The following ARHGAP6 variants were observed in gnomAD, a reference collection of about 807,000 sequenced individuals.
ARHGAP6 encodes the protein rho GTPase-activating protein 6.
In ARHGAP6, 16 loss-of-function variants were observed where a neutral mutation model predicts 55.7. The observed-to-expected ratio is 0.29, with a 90% confidence interval of 0.19 to 0.44. The LOEUF (loss-of-function observed/expected upper bound fraction) is 0.44. Among genes scored for constraint, ARHGAP6 ranks in the 20% least tolerant of loss-of-function variants. The probability of loss-of-function intolerance (pLI) is 1.00; values close to 1 mark genes in which losing one functional copy is unlikely to be tolerated. For missense variants in ARHGAP6, 698 were observed against 808.9 expected, an observed-to-expected ratio of 0.86 and a Z score of 1.66; for synonymous variants, 382 against 360.9, an observed-to-expected ratio of 1.06 and a Z score of -0.66.
intron 1 of ARHGAP6, among the ~76,000 whole-genome samples, chrX:11,439,465 T>G (rs967343541): frequency 1.2e-4 from 13 of 112,223 alleles, no homozygotes; most frequent in Admixed American, 6.6e-4. Context: ...AAACCTAAAA[T>G]ATCTGGCCTT....
At chrX:11,219,572 T>C (rs201543135) in intron 2 of ARHGAP6, among the ~76,000 whole-genome samples, 13,203 of 93,269 alleles carry the variant, frequency 0.14, 1,050 homozygotes, top group African/African-American at 0.2. Flanking sequence ...TTTTGAATGA[T>C]TGCCATTCTA....
At position 11,228,830 on chromosome X, in the gene ARHGAP6, T is replaced by C. The variant is rs184868018; in HGVS notation, c.748+25718A>G. On this transcript the variant is annotated intron_variant, in intron 2 of 12. Transcript: ENST00000337414. ...CTATGTTATATGATACAAGCATAACTTGAGCTACACTAAACCACATGACAG... is the reference window on the plus strand; with the variant it reads ...CTATGTTATATGATACAAGCATAACCTGAGCTACACTAAACCACATGACAG... Among the ~76,000 whole-genome samples the C allele has an allele frequency of 1.1e-3, 122 of 112,245 alleles. 2 individuals carry two copies. The highest frequency in any genetic ancestry group is 1.5e-3 in the Non-Finnish European group (81 of 53,186).
At position 11,560,936 on chromosome X, in the gene ARHGAP6, CT is replaced by C. The variant is rs2051378255; in HGVS notation, c.588+103304del. 2.7e-5 allele frequency among the ~76,000 whole-genome samples: 3 copies of C among 112,321 alleles called. No homozygotes were observed. The South Asian group carries it at 1.1e-3, about 41-fold the overall frequency. ...ACTTTCTGCAGGCCAGTCACAAACACTTTTTGCATGACAGTCTCTCAAAACT... is the reference window on the plus strand; with the variant it reads ...ACTTTCTGCAGGCCAGTCACAAACACTTTTGCATGACAGTCTCTCAAAACT... On this transcript the variant is annotated intron_variant, in intron 1 of 12. Transcript: ENST00000337414.
intron 1 of ARHGAP6, chrX:11,266,113 G>A (rs2047624341): frequency 1.2e-5 from 2 of 171,653 alleles, no homozygotes; most frequent in Admixed American, 1.0e-4. Flanking sequence ...GAGAGAGAGA[G>A]TTGGGGAGGA....
rs765250921 is a variant in ARHGAP6 at position 11,462,942 on chromosome X, T to C, written c.588+201299A>G. Among the ~76,000 whole-genome samples, 12 of 112,456 alleles carry C rather than the reference T, an allele frequency of 1.1e-4. 1 individual carries two copies. The South Asian group carries it at 4.4e-3, about 41-fold the overall frequency. ...GGCGAGACCCTTGAAAGTACTTGAG[T>C]GTATTCTTGTATCTCTCCTCTTGCA... On this transcript the variant is annotated intron_variant, in intron 1 of 12. Transcript: ENST00000337414.
intron 9 of ARHGAP6, among the ~76,000 whole-genome samples, chrX:11,158,587 T>C (rs999182401): frequency 8.9e-6 from 1 of 112,670 alleles, no homozygotes; most frequent in Non-Finnish European, 1.9e-5. Flanking sequence ...CTTCTCTATG[T>C]GGTTGTCAGA....
chrX:11,471,807 C>T (rs1002326236), intron 1 of ARHGAP6, among the ~76,000 whole-genome samples: 2 of 111,618 alleles, frequency 1.8e-5, no homozygotes, highest in African/African-American at 6.5e-5. Flanking sequence ...GATACAGGGC[C>T]TACCTCAAAC....
intron 1 of ARHGAP6, among the ~76,000 whole-genome samples, chrX:11,553,781 A>G: frequency 8.9e-6 from 1 of 111,902 alleles, no homozygotes; most frequent in Non-Finnish European, 1.9e-5. Flanking sequence ...GTATTACACA[A>G]CTATTTCTTG....
chrX:11,322,319 G>A (rs972064969), intron 1 of ARHGAP6, among the ~76,000 whole-genome samples: 1 of 110,166 alleles, frequency 9.1e-6, no homozygotes, highest in Non-Finnish European at 1.9e-5. Context: ...AATGTGTCCT[G>A]GGGGGAGGTA....
At chrX:11,250,684 T>G (rs921301972) in intron 2 of ARHGAP6, among the ~76,000 whole-genome samples, 11 of 111,592 alleles carry the variant, frequency 9.9e-5, no homozygotes, top group Non-Finnish European at 2.1e-4. Context: ...TAGTCACATA[T>G]CTCCCTGATT....
At chrX:11,542,710 C>A (rs1440172490) in intron 1 of ARHGAP6, among the ~76,000 whole-genome samples, 1 of 111,116 alleles carries the variant, frequency 9.0e-6, no homozygotes, top group African/African-American at 3.3e-5. Flanking sequence ...GATGGAAGGG[C>A]GTAAGTGCTG....
At chrX:11,395,501 T>C (rs1250630600) in intron 1 of ARHGAP6, among the ~76,000 whole-genome samples, 2 of 112,120 alleles carry the variant, frequency 1.8e-5, no homozygotes, top group African/African-American at 6.5e-5. Context: ...AAATACTCAT[T>C]GTGGCGGATT....
chrX:11,485,771 G>A (rs2050505190), intron 1 of ARHGAP6, among the ~76,000 whole-genome samples: 1 of 111,584 alleles, frequency 9.0e-6, no homozygotes, highest in Admixed American at 9.5e-5. Context: ...CAATTTGCAG[G>A]TTCGTGAGGA....
intron 2 of ARHGAP6, among the ~76,000 whole-genome samples, chrX:11,214,963 G>A (rs1160080803): frequency 8.8e-6 from 1 of 113,518 alleles, no homozygotes; most frequent in African/African-American, 3.2e-5. Context: ...TGACCTGTGA[G>A]GAAATGGCCC....
rs1406388437 is a variant in ARHGAP6 at position 11,388,915 on chromosome X, C to A, written c.589-134208G>T. Among the ~76,000 whole-genome samples the A allele has an allele frequency of 8.9e-5, 10 of 112,068 alleles. No homozygotes were observed. The Admixed American group carries it at 9.5e-4, about 11-fold the overall frequency. The stretch of plus-strand genomic sequence containing the variant: ...TGGTCTTCACACTGAAAACAATTCA[C>A]TCAGCCACAAAATAAAAGCTAGCAA... On this transcript the variant is annotated intron_variant, in intron 1 of 12. Coordinates refer to ENST00000337414, the MANE Select transcript of ARHGAP6 (RefSeq NM_013427.3).
At chrX:11,300,802 A>G in intron 1 of ARHGAP6, 1 of 428,442 alleles carries the variant, frequency 2.3e-6, no homozygotes, top group African/African-American at 2.4e-5. Flanking sequence ...TTTTCCTATC[A>G]TTTGAGATGA....
intron 1 of ARHGAP6, among the ~76,000 whole-genome samples, chrX:11,442,636 T>C (rs996062950): frequency 1.8e-5 from 2 of 112,377 alleles, no homozygotes; most frequent in African/African-American, 3.2e-5. Flanking sequence ...CTCTCTCCTT[T>C]GGCAAGAAAG....
At chrX:11,546,271 A>G (rs1374628608) in intron 1 of ARHGAP6, among the ~76,000 whole-genome samples, 1 of 111,231 alleles carries the variant, frequency 9.0e-6, no homozygotes, top group African/African-American at 3.3e-5. Flanking sequence ...GGTGTTACAC[A>G]AATGTCTTTC....
intron 1 of ARHGAP6, chrX:11,294,634 T>C: frequency 3.1e-6 from 2 of 646,322 alleles, no homozygotes; most frequent in Non-Finnish European, 5.1e-6. Context: ...GGAAATCACA[T>C]ATGACTGAAG....
Sources: allele counts gnomAD v4.1 joint callset (sites outside exome capture counted in the v4.1 genomes callset), GRCh38; gene constraint gnomAD v4.1.1; transcripts MANE v1.5; gene names NCBI Gene and HGNC (gene_info 2026-07-23, HGNC 2026-07-21).